DYNC1I2: variants seen among roughly 807,000 people sequenced by gnomAD.
DYNC1I2 encodes cytoplasmic dynein 1 intermediate chain 2.
A neutral mutation model predicts 88.6 loss-of-function variants in DYNC1I2; 53 were observed. The ratio of observed to expected loss-of-function variants is 0.60; its 90% CI spans 0.48 to 0.75. DYNC1I2 has a LOEUF of 0.75. Among genes scored for constraint, DYNC1I2 ranks in the 30% least tolerant of loss-of-function variants. DYNC1I2 has a pLI of 0.00. For missense variants in DYNC1I2, 458 were observed against 766.6 expected (o/e 0.60, Z 4.75); for synonymous variants, 198 against 254.6 (o/e 0.78, Z 2.12).
chr2:171,747,111 T>C (rs1689836113), intron 17 of DYNC1I2, among the ~76,000 whole-genome samples: 1 of 150,880 alleles, frequency 6.6e-6, no homozygotes, highest in Non-Finnish European at 1.5e-5. Context: ...GGAGAATCAC[T>C]TGAACCTGGG....
At chr2:171,731,054 C>G (rs1688569289) in intron 15 of DYNC1I2, among the ~76,000 whole-genome samples, 1 of 152,174 alleles carries the variant, frequency 6.6e-6, no homozygotes, top group Non-Finnish European at 1.5e-5. Flanking sequence ...ATAAAGGAAA[C>G]AGATGCTTAA....
chr2:171,711,597 A>T (rs1687131651), intron 5 of DYNC1I2, among the ~76,000 whole-genome samples: 1 of 152,206 alleles, frequency 6.6e-6, no homozygotes, highest in African/African-American at 2.4e-5. Flanking sequence ...GTTGCTATTC[A>T]TTGCTTAGTA....
intron 5 of DYNC1I2, among the ~76,000 whole-genome samples, chr2:171,710,324 T>C (rs960676743): frequency 1.3e-5 from 2 of 152,190 alleles, no homozygotes; most frequent in African/African-American, 2.4e-5. Context: ...TGAACTCATA[T>C]TGAGCAAACA....
chr2:171,692,320 A>G (rs1028628535), intron 2 of DYNC1I2, among the ~76,000 whole-genome samples: 2 of 152,188 alleles, frequency 1.3e-5, no homozygotes, highest in Non-Finnish European at 2.9e-5. Flanking sequence ...GAAGTTTGTG[A>G]TACTCTTTTT....
chr2:171,706,953 G>A (rs186082386), intron 4 of DYNC1I2: 634 of 453,640 alleles, frequency 1.4e-3, no homozygotes, highest in Middle Eastern at 4.2e-3. Context: ...TTACAAGGGG[G>A]AGAAGGAATG....
chr2:171,740,010 A>G (rs1689308649), intron 15 of DYNC1I2, among the ~76,000 whole-genome samples: 1 of 152,078 alleles, frequency 6.6e-6, no homozygotes, highest in Non-Finnish European at 1.5e-5. Context: ...AAGCCCAGCC[A>G]CAATTGACAT....
chr2:171,724,073 C>T (rs760183975), intron 7 of DYNC1I2, among the ~76,000 whole-genome samples: 7 of 152,116 alleles, frequency 4.6e-5, no homozygotes, highest in African/African-American at 9.7e-5. Context: ...TGAAATCACT[C>T]GTGCCATTTA....
chr2:171,735,991 A>G lies in DYNC1I2; in HGVS notation c.1536+6138A>G, dbSNP rs145680072. On this transcript the variant is annotated intron_variant, in intron 15 of 17. Transcript: ENST00000397119. ...GGGAGTTTTCACACTTTTGTAGTCC[A>G]TACACATCTTGAAATTATTCACACT... Among the ~76,000 whole-genome samples the G allele has an allele frequency of 1.0e-2, 1,523 of 152,334 alleles. 22 individuals carry two copies. The highest frequency in any genetic ancestry group is 0.035 in the African/African-American group (1,437 of 41,572).
At position 171,691,880 on chromosome 2, in the gene DYNC1I2, T is replaced by A. The variant is rs542518887; in HGVS notation, c.109-897T>A. 4.6e-5 allele frequency among the ~76,000 whole-genome samples: 7 copies of A among 152,314 alleles called. No homozygotes were observed. The East Asian group carries it at 1.3e-3, about 29-fold the overall frequency. ...AAGTTTATAAAAATGTTACAAGAGA[T>A]AATACAATGGTATTAAACTGTGAGT... On this transcript the variant is annotated intron_variant, in intron 2 of 17. Transcript: ENST00000397119.
intron 2 of DYNC1I2, among the ~76,000 whole-genome samples, chr2:171,692,131 A>G (rs1685445318): frequency 6.6e-6 from 1 of 152,178 alleles, no homozygotes; most frequent in Admixed American, 6.5e-5. Flanking sequence ...TTTACTTGAG[A>G]AGTCTTGGAT....
At chr2:171,706,475 A>G in intron 3 of DYNC1I2, 72 bp from the exon 4 acceptor site, 1 of 1,332,002 alleles carries the variant, frequency 7.5e-7, no homozygotes. Flanking sequence ...TATACTATGA[A>G]AAATGTGTAT....
At position 171,749,850 on chromosome 2, in the gene DYNC1I2, G is replaced by T. The variant is rs1380340813; in HGVS notation, c.*1961G>T. Among the ~76,000 whole-genome samples, 1 of 152,136 alleles carries T rather than the reference G, an allele frequency of 6.6e-6. No homozygotes were observed. Among genetic ancestry groups the T allele is most frequent in the Non-Finnish European group, 1.5e-5 (1 of 67,992 alleles). On this transcript the variant is annotated 3_prime_UTR_variant, in exon 18 of 18. Transcript: ENST00000397119. ...TGACTATATAATAGCAAAAGAGAAA[G>T]TATTGAGACTGTCAGTGTTGATAAA... is the stretch of plus-strand genomic sequence containing the variant.
At chr2:171,715,650 C>G (rs1019754396) in intron 7 of DYNC1I2, among the ~76,000 whole-genome samples, 4 of 151,912 alleles carry the variant, frequency 2.6e-5, no homozygotes, top group African/African-American at 9.7e-5. Context: ...TAGAAGTTAA[C>G]GTTGTAAGCT....
intron 15 of DYNC1I2, among the ~76,000 whole-genome samples, chr2:171,737,892 A>G (rs1277141950): frequency 1.3e-5 from 2 of 151,870 alleles, no homozygotes; most frequent in African/African-American, 2.4e-5. Context: ...TGTTGTACAG[A>G]TTATTCCATC....
intron 7 of DYNC1I2, among the ~76,000 whole-genome samples, chr2:171,718,461 T>C (rs1328280325): frequency 6.6e-6 from 1 of 151,540 alleles, no homozygotes; most frequent in Non-Finnish European, 1.5e-5. Flanking sequence ...TGAGACAGAG[T>C]CTCGCTCTGT....
chr2:171,693,419 G>A (rs1467132400), intron 3 of DYNC1I2, among the ~76,000 whole-genome samples: 3 of 152,030 alleles, frequency 2.0e-5, no homozygotes, highest in South Asian at 2.1e-4. Context: ...TATTTTTCTG[G>A]GTTATTCATT....
chr2:171,727,738 G>GT lies in DYNC1I2; in HGVS notation c.997-80dup, dbSNP rs1688344050. On this transcript the variant is annotated intron_variant, in intron 11 of 17. Transcript: ENST00000397119. ...AATACCATACAATGAAGAAAGAAAT[G>GT]TTTCGGATAATAGATTGATTTTTAG... 13 of 1,318,572 alleles carry GT rather than the reference G, an allele frequency of 9.9e-6. No individual in the cohort carries two copies. In the South Asian group the frequency reaches 1.9e-4, roughly 19 times the overall value. 81.7% of individuals were successfully genotyped at this position (1,318,572 alleles called of 1,614,324 possible).
intron 15 of DYNC1I2, among the ~76,000 whole-genome samples, chr2:171,740,395 A>G (rs983937703): frequency 6.6e-6 from 1 of 152,204 alleles, no homozygotes; most frequent in Admixed American, 6.5e-5. Context: ...TATAAAATCC[A>G]TGACTTACGT....
At chr2:171,699,007 TTTTAAAAATAGA>T (rs772700979) in intron 3 of DYNC1I2, among the ~76,000 whole-genome samples, 2 of 151,618 alleles carry the variant, frequency 1.3e-5, no homozygotes, top group Non-Finnish European at 2.9e-5. Flanking sequence ...CCTGCATGTA[TTTTAAAAATAGA>T]TTAGCTAGGC....
Sources: gnomAD v4.1 joint callset for allele counts (sites outside exome capture counted in the v4.1 genomes callset) on GRCh38, gnomAD v4.1.1 for gene constraint, MANE v1.5 for transcripts, NCBI Gene and HGNC (gene_info 2026-07-23, HGNC 2026-07-21) for gene names.